Variants in SAMD3 observed in about 807,000 individuals in gnomAD.
The protein encoded by SAMD3 is sterile alpha motif domain-containing protein 3.
A neutral mutation model predicts 58.5 loss-of-function variants in SAMD3; 63 were observed. The ratio of observed to expected loss-of-function variants is 1.08; its 90% CI spans 0.88 to 1.33. The LOEUF is 1.33. Ranked by LOEUF, SAMD3 falls within the 40% of genes most tolerant of loss-of-function variation. The pLI is 0.00. For synonymous variants in SAMD3, 220 were observed against 210.3 expected (o/e 1.05, Z -0.40); for missense variants, 604 against 608.4 (o/e 0.99, Z 0.08).
intron 2 of SAMD3, among the ~76,000 whole-genome samples, chr6:130,257,408 G>A (rs988318714): frequency 1.6e-4 from 25 of 152,234 alleles, no homozygotes; most frequent in African/African-American, 5.3e-4. Flanking sequence ...CTGATTTAAG[G>A]CATTTTAGTA....
chr6:130,196,553 C>T (rs1339081901), intron 5 of SAMD3, among the ~76,000 whole-genome samples: 1 of 152,186 alleles, frequency 6.6e-6, no homozygotes, highest in Non-Finnish European at 1.5e-5. Flanking sequence ...CCAGCAAAGG[C>T]AGGCTATGCT....
intron 2 of SAMD3, among the ~76,000 whole-genome samples, chr6:130,239,227 T>C (rs1773271692): frequency 6.6e-6 from 1 of 152,194 alleles, no homozygotes; most frequent in African/African-American, 2.4e-5. Flanking sequence ...TATTTCCTGA[T>C]TTCTAGTTTC....
chr6:130,213,191 G>A (rs1795716808), intron 4 of SAMD3, among the ~76,000 whole-genome samples: 1 of 151,972 alleles, frequency 6.6e-6, no homozygotes, highest in African/African-American at 2.4e-5. Flanking sequence ...CCAACTGCTT[G>A]GGAGGCGGAA....
intron 2 of SAMD3, among the ~76,000 whole-genome samples, chr6:130,289,334 T>G (rs1178230463): frequency 3.9e-5 from 6 of 152,216 alleles, no homozygotes; most frequent in South Asian, 4.1e-4. Flanking sequence ...GATTCTATTT[T>G]CCACATCTTT....
In SAMD3 at chr6:130,153,666, T is replaced by TATATA. The variant is rs58896049; in HGVS notation, c.1023+1158_1023+1159insTATAT. ...AAATTTCATATATATATATATATATTTATTTATTTATTTATTTTTTAAAAT... is the reference window on the plus strand; with the variant it reads ...AAATTTCATATATATATATATATATTATATATATTTATTTATTTATTTTTTAAAAT... On this transcript the variant is annotated intron_variant, in intron 9 of 11. Coordinates refer to ENST00000439090, the MANE Select transcript of SAMD3 (RefSeq NM_001017373.4). Among the ~76,000 whole-genome samples the TATATA allele has an allele frequency of 5.2e-3, 470 of 91,098 alleles. 11 individuals are homozygous for TATATA. The highest frequency in any genetic ancestry group is 0.016 in the African/African-American group (406 of 24,768). The allele number at this position is 91,098 out of a possible 152,430, so 59.8% of individuals were successfully genotyped here. A position where few individuals can be genotyped will look rare whatever the true frequency, so the allele number is the denominator to read the frequency against.
chr6:130,363,744 G>A (rs1041014395), intron 1 of SAMD3, among the ~76,000 whole-genome samples: 3 of 152,160 alleles, frequency 2.0e-5, no homozygotes, highest in African/African-American at 7.2e-5. Context: ...TTTCTACTAT[G>A]CACTCTTATA....
chr6:130,282,200 G>A (rs965225860), intron 2 of SAMD3, among the ~76,000 whole-genome samples: 1 of 152,080 alleles, frequency 6.6e-6, no homozygotes, highest in Non-Finnish European at 1.5e-5. Flanking sequence ...AAGAGAGAGA[G>A]AAAGATTTGG....
At chr6:130,280,030 A>ACTG (rs35179805) in intron 2 of SAMD3, among the ~76,000 whole-genome samples, 48,144 of 151,914 alleles carry the variant, frequency 0.32, 7,836 homozygotes, top group East Asian at 0.47. Flanking sequence ...TAAAAATAAA[A>ACTG]AACCACTCAA....
At chr6:130,273,535 G>A (rs1423269998) in intron 2 of SAMD3, among the ~76,000 whole-genome samples, 1 of 151,776 alleles carries the variant, frequency 6.6e-6, no homozygotes, top group Non-Finnish European at 1.5e-5. Context: ...TTGCCGTTTT[G>A]TTGTTTCCTG....
chr6:130,271,837 G>C (rs764501931), intron 2 of SAMD3, among the ~76,000 whole-genome samples: 1 of 152,216 alleles, frequency 6.6e-6, no homozygotes, highest in African/African-American at 2.4e-5. Context: ...TGGCAGGCAA[G>C]AGCGTGTGCA....
chr6:130,276,186 A>G (rs924182468), intron 2 of SAMD3, among the ~76,000 whole-genome samples: 6 of 152,114 alleles, frequency 3.9e-5, no homozygotes, highest in African/African-American at 1.4e-4. Flanking sequence ...AGAAGAGAGA[A>G]AAAGTAAGGA....
chr6:130,248,118 A>G (rs74632915), intron 2 of SAMD3, among the ~76,000 whole-genome samples: 2,934 of 151,964 alleles, frequency 0.019, 93 homozygotes, highest in African/African-American at 0.067. Flanking sequence ...TTTGTCTGGT[A>G]TACTTTTGAT....
chr6:130,259,455 T>C (rs942639557), intron 2 of SAMD3, among the ~76,000 whole-genome samples: 1 of 152,164 alleles, frequency 6.6e-6, no homozygotes, highest in Non-Finnish European at 1.5e-5. Flanking sequence ...AGTGAGGATA[T>C]TAATTTTTCA....
intron 2 of SAMD3, among the ~76,000 whole-genome samples, chr6:130,270,513 G>A (rs983453684): frequency 2.0e-4 from 31 of 152,194 alleles, no homozygotes; most frequent in African/African-American, 6.8e-4. Context: ...TTCAGCTTCA[G>A]CACCCCTTCC....
chr6:130,343,576 G>C (rs930047199), intron 1 of SAMD3, among the ~76,000 whole-genome samples: 2 of 152,162 alleles, frequency 1.3e-5, no homozygotes, highest in Non-Finnish European at 2.9e-5. Context: ...GTATGCATGG[G>C]CTGGGTGAGT....
chr6:130,197,971 C>T lies in SAMD3; in HGVS notation c.383+11524G>A, dbSNP rs546481540. 1.1e-4 allele frequency among the ~76,000 whole-genome samples: 17 copies of T among 152,218 alleles called. No individual in the cohort carries two copies. In the South Asian group the frequency reaches 2.7e-3, roughly 24 times the overall value. ...TGCTTTAACTGATGACATTGTCTTG[C>T]GAAATTCCTCCTCCTGGCTCATCCT... On this transcript the variant is annotated intron_variant, in intron 5 of 11. Coordinates refer to ENST00000439090, the MANE Select transcript of SAMD3 (RefSeq NM_001017373.4).
chr6:130,150,349 A>T (rs1018739934), intron 9 of SAMD3, among the ~76,000 whole-genome samples: 8 of 152,188 alleles, frequency 5.3e-5, no homozygotes, highest in African/African-American at 1.9e-4. Context: ...AGCATCCAGC[A>T]TACAGTGCAG....
chr6:130,289,506 TAG>T (rs1775289580), intron 2 of SAMD3, among the ~76,000 whole-genome samples: 1 of 149,106 alleles, frequency 6.7e-6, no homozygotes, highest in Non-Finnish European at 1.5e-5. Flanking sequence ...AAAATATATA[TAG>T]AGAGAGAGAG....
chr6:130,214,526 T>C lies in SAMD3; in HGVS notation c.80A>G (p.Glu27Gly). Residue 27 changes from glutamate to glycine, a missense_variant and splice_region_variant, in exon 4 of 12, where the codon GAG becomes GGG. Coordinates refer to ENST00000439090, the MANE Select transcript of SAMD3 (RefSeq NM_001017373.4). The part of the protein sequence containing the change: ...NLGELVHRFQ[E>G]EEVSGAALLA... The stretch of plus-strand genomic sequence containing the variant: ...AAGAGCGGCCCCACTTACTTCTTCC[T>C]CTGGGAAAAAGAAAAAAAATTAGTT... 6.4e-7 allele frequency: 1 copy of C among 1,572,816 alleles called. No homozygotes were observed. Among genetic ancestry groups the C allele is most frequent in the South Asian group, 1.2e-5 (1 of 83,736 alleles).
Sources: allele counts gnomAD v4.1 joint callset (sites outside exome capture counted in the v4.1 genomes callset), GRCh38; gene constraint gnomAD v4.1.1; transcripts MANE v1.5; gene names NCBI Gene and HGNC (gene_info 2026-07-23, HGNC 2026-07-21).